The following MYCT1 variants were observed in gnomAD, a reference collection of about 807,000 sequenced individuals.
MYCT1 encodes MYC target 1, also known as myc target protein 1.
In MYCT1, 12 loss-of-function variants were observed where a neutral mutation model predicts 15.0. That is an observed-to-expected ratio of 0.80 (90% CI 0.51 to 1.29). The LOEUF (loss-of-function observed/expected upper bound fraction) is 1.29, where lower values mean the gene tolerates loss of function less well. MYCT1 is among the 50% of genes most tolerant of loss of function. The pLI, the probability that MYCT1 is intolerant of heterozygous loss-of-function variation, is 0.00. For missense variants in MYCT1, 287 were observed against 279.1 expected (o/e 1.03, Z -0.20); for synonymous variants, 104 against 102.7 (o/e 1.01, Z -0.07).
the MYCT1 span, among the ~76,000 whole-genome samples, chr6:152,729,900 G>C: frequency 1.3e-5 from 2 of 152,140 alleles, no homozygotes; most frequent in Non-Finnish European, 2.9e-5. Context: ...GATCCAGACA[G>C]AGTCAGGCAA....
At chr6:152,707,185 A>G (rs2099722444) in intron 1 of MYCT1, among the ~76,000 whole-genome samples, 1 of 151,964 alleles carries the variant, frequency 6.6e-6, no homozygotes, top group African/African-American at 2.4e-5. Context: ...TGTCTTTTTG[A>G]TAATAGGCAT....
chr6:152,707,720 G>A (rs1331689671), intron 1 of MYCT1, among the ~76,000 whole-genome samples: 1 of 151,958 alleles, frequency 6.6e-6, no homozygotes, highest in Non-Finnish European at 1.5e-5. Context: ...ATGTGGATAT[G>A]CAGTTTTCCC....
At chr6:152,729,870 G>A in the MYCT1 span, among the ~76,000 whole-genome samples, 2 of 152,168 alleles carry the variant, frequency 1.3e-5, no homozygotes, top group African/African-American at 4.8e-5. Context: ...AGTGGCCTTT[G>A]CAAAGTGTTT....
the MYCT1 span, among the ~76,000 whole-genome samples, chr6:152,741,203 AAC>A: frequency 1.3e-5 from 2 of 152,108 alleles, no homozygotes; most frequent in Non-Finnish European, 2.9e-5. Flanking sequence ...AAAACTCTTA[AAC>A]AGTCTAAATA....
the MYCT1 span, among the ~76,000 whole-genome samples, chr6:152,742,881 G>A: frequency 5.3e-4 from 81 of 152,260 alleles, no homozygotes; most frequent in Middle Eastern, 0.037. Flanking sequence ...TCTGATGACT[G>A]CAAAAGTGTT....
rs554493463 is a variant in MYCT1 at position 152,712,821 on chromosome 6, A to G, written c.197-8921A>G. ...TGAATGTAATGTTATTATTATTTGT[A>G]ATTTGGCTGTGTTCAAGTTTTTTTT... On this transcript the variant is annotated intron_variant, in intron 1 of 1. Coordinates refer to ENST00000367245, the MANE Select transcript of MYCT1 (RefSeq NM_025107.3). 5.3e-4 allele frequency among the ~76,000 whole-genome samples: 80 copies of G among 152,112 alleles called. No individual in the cohort carries two copies. The South Asian group carries it at 0.016, about 31-fold the overall frequency.
intron 1 of MYCT1, among the ~76,000 whole-genome samples, chr6:152,709,062 A>G (rs1583969005): frequency 5.4e-5 from 1 of 18,416 alleles, no homozygotes; most frequent in Non-Finnish European, 1.3e-4. Context: ...TCCTGTGTCC[A>G]TGTGATCTCA....
intron 1 of MYCT1, among the ~76,000 whole-genome samples, chr6:152,708,665 T>G (rs1054576705): frequency 2.0e-5 from 3 of 152,010 alleles, no homozygotes; most frequent in Non-Finnish European, 4.4e-5. Context: ...GCTAGAAAAA[T>G]ATATTTTAAA....
At chr6:152,735,692 T>C in the MYCT1 span, among the ~76,000 whole-genome samples, 1 of 152,140 alleles carries the variant, frequency 6.6e-6, no homozygotes, top group African/African-American at 2.4e-5. Flanking sequence ...ATTACTCTTT[T>C]CTGTTTTAAT....
At chr6:152,739,549 G>A in the MYCT1 span, among the ~76,000 whole-genome samples, 20,408 of 151,780 alleles carry the variant, frequency 0.13, 2,928 homozygotes, top group African/African-American at 0.36. Flanking sequence ...TTTTTGATCA[G>A]AGGTAATGAT....
At chr6:152,715,843 G>A (rs2099723556) in intron 1 of MYCT1, among the ~76,000 whole-genome samples, 1 of 152,174 alleles carries the variant, frequency 6.6e-6, no homozygotes, top group Non-Finnish European at 1.5e-5. Flanking sequence ...GAGGGGGGAA[G>A]TGCAGACAGA....
chr6:152,743,728 C>A, the MYCT1 span, among the ~76,000 whole-genome samples: 4 of 152,118 alleles, frequency 2.6e-5, no homozygotes, highest in African/African-American at 9.7e-5. Flanking sequence ...AAGTCACTTG[C>A]CTTTTTTCAG....
chr6:152,713,912 C>T (rs943914069), intron 1 of MYCT1, among the ~76,000 whole-genome samples: 16 of 152,154 alleles, frequency 1.1e-4, no homozygotes, highest in African/African-American at 3.4e-4. Flanking sequence ...TGGAGCTTGA[C>T]TAGTACTTGC....
downstream of MYCT1, among the ~76,000 whole-genome samples, chr6:152,726,376 A>C (rs2099725654): frequency 6.7e-6 from 1 of 149,064 alleles, no homozygotes; most frequent in African/African-American, 2.4e-5. Context: ...CAGCTTGGGC[A>C]AGAAGAACAA....
chr6:152,746,630 A>T, the MYCT1 span, among the ~76,000 whole-genome samples: 1 of 152,176 alleles, frequency 6.6e-6, no homozygotes, highest in South Asian at 2.1e-4. Context: ...AAGTAGGTAA[A>T]ATTGGTTTTA....
At position 152,723,669 on chromosome 6, in the gene MYCT1, T is replaced by G. The variant is rs2099725114; in HGVS notation, c.*1416T>G. On this transcript the variant is annotated 3_prime_UTR_variant, in exon 2 of 2. Transcript: ENST00000367245. ...TTTGGTGCACACAGTTATTTAAGAA[T>G]CCACTTCCACAGGTGGCTGCCCTTG... 6.6e-6 allele frequency: 1 copy of G among 152,228 alleles called. No individual in the cohort carries two copies. The highest frequency in any genetic ancestry group is 6.5e-5 in the Admixed American group (1 of 15,276). The allele number at this position is 152,228 out of a possible 1,614,324, so 9.4% of individuals were successfully genotyped here.
chr6:152,705,535 A>C (rs2099722107), intron 1 of MYCT1, among the ~76,000 whole-genome samples: 1 of 151,814 alleles, frequency 6.6e-6, no homozygotes, highest in Non-Finnish European at 1.5e-5. Context: ...GCTGAAAATG[A>C]CAGGATTTTT....
intron 1 of MYCT1, among the ~76,000 whole-genome samples, chr6:152,720,760 T>A (rs9384040): frequency 0.34 from 52,042 of 151,726 alleles, 9,629 homozygotes; most frequent in East Asian, 0.43. Context: ...AGGGGAAACG[T>A]TGGGGACAAG....
At chr6:152,729,714 T>G in the MYCT1 span, among the ~76,000 whole-genome samples, 1 of 152,300 alleles carries the variant, frequency 6.6e-6, no homozygotes, top group Non-Finnish European at 1.5e-5. Flanking sequence ...ATCCAGTTGG[T>G]GTGCTGAATA....
Sources: gnomAD v4.1 joint callset for allele counts (sites outside exome capture counted in the v4.1 genomes callset) on GRCh38, gnomAD v4.1.1 for gene constraint, MANE v1.5 for transcripts, NCBI Gene and HGNC (gene_info 2026-07-23, HGNC 2026-07-21) for gene names.